The following CCDC146 variants were observed in gnomAD, a reference collection of about 807,000 sequenced individuals.
CCDC146 encodes coiled-coil domain containing 146.
Under a neutral mutation model 119.3 loss-of-function variants are expected in CCDC146, and 92 were observed. That is an observed-to-expected ratio of 0.77 (90% CI 0.65 to 0.92). The LOEUF is 0.92. CCDC146 is among the 40% of genes least tolerant of loss of function. The pLI, the probability that CCDC146 is intolerant of heterozygous loss-of-function variation, is 0.00. For synonymous variants in CCDC146, 372 were observed against 371.8 expected, an observed-to-expected ratio of 1.00 and a Z score of -0.01; for missense variants, 1,000 against 1,103.0, an observed-to-expected ratio of 0.91 and a Z score of 1.32.
chr7:77,291,487 G>C (rs963620298), intron 17 of CCDC146, among the ~76,000 whole-genome samples: 2 of 151,266 alleles, frequency 1.3e-5, no homozygotes, highest in South Asian at 4.2e-4. Context: ...GGTAGATTGC[G>C]TGAGCTCAGG....
intron 17 of CCDC146, among the ~76,000 whole-genome samples, chr7:77,288,947 T>C (rs1793895696): frequency 6.6e-6 from 1 of 152,262 alleles, no homozygotes; most frequent in Non-Finnish European, 1.5e-5. Flanking sequence ...CAAGAAATGA[T>C]TGTAAATATT....
chr7:77,290,881 G>A (rs6950185), intron 17 of CCDC146, among the ~76,000 whole-genome samples: 36,513 of 152,088 alleles, frequency 0.24, 5,186 homozygotes, highest in African/African-American at 0.39. Flanking sequence ...GATATGCTCT[G>A]TTAGGAGAGG....
At chr7:77,145,866 A>G (rs978104065) in intron 1 of CCDC146, among the ~76,000 whole-genome samples, 10 of 151,906 alleles carry the variant, frequency 6.6e-5, no homozygotes, top group Non-Finnish European at 1.5e-4. Context: ...AATAAGTGTG[A>G]TGTGGTGCTG....
chr7:77,278,700 C>A, intron 11 of CCDC146, 52 bp from the exon 12 acceptor site: 1 of 1,230,294 alleles, frequency 8.1e-7, no homozygotes, highest in Non-Finnish European at 1.2e-6. Context: ...TGGGATAAAT[C>A]TGGGAGTGTT....
chr7:77,255,694 G>T (rs1451564842), intron 5 of CCDC146, among the ~76,000 whole-genome samples: 1 of 152,182 alleles, frequency 6.6e-6, no homozygotes, highest in Admixed American at 6.5e-5. Context: ...GTAACGTGTA[G>T]ACCTTCTGAG....
chr7:77,252,531 G>A (rs1299802176), intron 4 of CCDC146, among the ~76,000 whole-genome samples: 1 of 152,204 alleles, frequency 6.6e-6, no homozygotes, highest in Non-Finnish European at 1.5e-5. Flanking sequence ...GTAGGTTTCA[G>A]ATGGGAAGAT....
At chr7:77,274,731 A>T in intron 11 of CCDC146, 79 bp downstream of exon 11, 3 of 1,118,566 alleles carry the variant, frequency 2.7e-6, no homozygotes, top group Non-Finnish European at 3.8e-6. Flanking sequence ...GTGCATTAGG[A>T]CATGGATGAA....
intron 2 of CCDC146, among the ~76,000 whole-genome samples, chr7:77,228,876 G>A (rs746946737): frequency 6.6e-6 from 1 of 152,200 alleles, no homozygotes; most frequent in African/African-American, 2.4e-5. Flanking sequence ...TATGCAGGAT[G>A]TGCAGGTTTA....
chr7:77,151,803 G>T (rs1242994928), intron 1 of CCDC146, among the ~76,000 whole-genome samples: 1 of 152,220 alleles, frequency 6.6e-6, no homozygotes, highest in East Asian at 1.9e-4. Flanking sequence ...CTTAGACATA[G>T]GTCTCAATGG....
At chr7:77,219,266 TA>T (rs1179959708) in intron 2 of CCDC146, among the ~76,000 whole-genome samples, 1 of 152,182 alleles carries the variant, frequency 6.6e-6, no homozygotes, top group Non-Finnish European at 1.5e-5. Flanking sequence ...TTTTTAAACT[TA>T]AAAAAGTTTT....
chr7:77,192,957 AAAG>A (rs553328348), intron 2 of CCDC146, among the ~76,000 whole-genome samples: 97 of 152,240 alleles, frequency 6.4e-4, no homozygotes, highest in African/African-American at 1.9e-3. Flanking sequence ...AAAAAAAAGA[AAAG>A]AAGGCGTTGT....
chr7:77,249,442 C>T (rs986018761), intron 4 of CCDC146, among the ~76,000 whole-genome samples: 7 of 144,960 alleles, frequency 4.8e-5, no homozygotes, highest in East Asian at 4.0e-4. Flanking sequence ...GAGCCGAGAT[C>T]GCACCACTGC....
intron 15 of CCDC146, among the ~76,000 whole-genome samples, chr7:77,283,681 T>C (rs1343822749): frequency 6.6e-6 from 1 of 152,186 alleles, no homozygotes; most frequent in Non-Finnish European, 1.5e-5. Context: ...ATTTATTTTC[T>C]AGGTATACAA....
intron 2 of CCDC146, among the ~76,000 whole-genome samples, chr7:77,230,616 A>G (rs1792609146): frequency 1.3e-5 from 2 of 152,034 alleles, no homozygotes; most frequent in Non-Finnish European, 2.9e-5. Flanking sequence ...TGTACATAAT[A>G]AGCTGGGGTT....
At chr7:77,164,719 T>G (rs912709147) in intron 1 of CCDC146, among the ~76,000 whole-genome samples, 3 of 152,222 alleles carry the variant, frequency 2.0e-5, no homozygotes, top group Admixed American at 2.0e-4. Flanking sequence ...TTTACTAATT[T>G]TACCCCATTT....
chr7:77,280,070 C>T (rs1793734496), intron 13 of CCDC146, among the ~76,000 whole-genome samples: 1 of 152,174 alleles, frequency 6.6e-6, no homozygotes, highest in African/African-American at 2.4e-5. Flanking sequence ...AGTCAGGCAC[C>T]ACCTTATGTC....
rs1791939018 is a variant in CCDC146, at chr7:77,199,414, T to C, written c.156+31590T>C. ...ACTCTCTAATTCTCTAACTCTGTTA[T>C]CACCAACCTCTCCCGGGGCTCCTGT... On this transcript the variant is annotated intron_variant, in intron 2 of 18. Transcript: ENST00000285871. 3.1e-6 allele frequency: 5 copies of C among 1,614,192 alleles called. No homozygotes were observed. The South Asian group carries it at 4.4e-5, about 14-fold the overall frequency.
chr7:77,204,991 C>A (rs905623981), intron 2 of CCDC146, among the ~76,000 whole-genome samples: 1 of 152,034 alleles, frequency 6.6e-6, no homozygotes, highest in Non-Finnish European at 1.5e-5. Flanking sequence ...TGCTGGCATG[C>A]GCCTACAGTC....
chr7:77,274,071 CA>C (rs1305134752), intron 10 of CCDC146, among the ~76,000 whole-genome samples: 2 of 152,154 alleles, frequency 1.3e-5, no homozygotes, highest in Non-Finnish European at 2.9e-5. Flanking sequence ...TTTATTTCAC[CA>C]ATGTCTAATT....
Sources: allele counts gnomAD v4.1 joint callset (sites outside exome capture counted in the v4.1 genomes callset), GRCh38; gene constraint gnomAD v4.1.1; transcripts MANE v1.5; gene names NCBI Gene and HGNC (gene_info 2026-07-23, HGNC 2026-07-21).